Variants in NUP210L observed in about 807,000 individuals in gnomAD.
NUP210L encodes the protein nuclear pore membrane glycoprotein 210-like.
Under a neutral mutation model 208.5 loss-of-function variants are expected in NUP210L, and 74 were observed. The ratio of observed to expected loss-of-function variants is 0.35; its 90% CI spans 0.29 to 0.43. The LOEUF is 0.43. Among genes scored for constraint, NUP210L ranks in the 20% least tolerant of loss-of-function variants. The pLI is 1.00. For synonymous variants in NUP210L, 780 were observed against 816.9 expected (o/e 0.95, Z 0.77); for missense variants, 1,843 against 2,289.4 (o/e 0.81, Z 3.98).
In NUP210L at chr1:154,051,425, A is replaced by G. The variant is rs193214512; in HGVS notation, c.3483+2803T>C. Among the ~76,000 whole-genome samples the G allele has an allele frequency of 1.6e-3, 245 of 152,254 alleles. 1 individual carries two copies. The highest frequency in any genetic ancestry group is 2.6e-3 in the Non-Finnish European group (180 of 68,032). ...GAGATGGGGTTTCACTGTGTTAGCC[A>G]TGATGGTCTCGATCTCCTGACCTCG... On this transcript the variant is annotated intron_variant, in intron 25 of 39. Transcript: ENST00000368559.
chr1:154,125,655 A>G (rs1171327120), intron 10 of NUP210L, among the ~76,000 whole-genome samples: 9 of 1,984 alleles, frequency 4.5e-3, no homozygotes, highest in African/African-American at 9.0e-3. Flanking sequence ...GGAAGGAAGG[A>G]AGGAAGGAAG....
At chr1:154,075,480 GCTAA>G (rs1418665140) in intron 16 of NUP210L, among the ~76,000 whole-genome samples, 1 of 151,952 alleles carries the variant, frequency 6.6e-6, no homozygotes, top group African/African-American at 2.4e-5. Flanking sequence ...TGACCATGAA[GCTAA>G]CTAAGCAGAG....
intron 2 of NUP210L, among the ~76,000 whole-genome samples, chr1:154,147,945 G>A (rs1257622426): frequency 2.9e-5 from 4 of 136,482 alleles, no homozygotes; most frequent in Admixed American, 7.1e-5. Flanking sequence ...GTGAGCCACC[G>A]TGCCTGGCCA....
chr1:154,129,072 AT>A (rs529086709), intron 8 of NUP210L, among the ~76,000 whole-genome samples: 1 of 152,056 alleles, frequency 6.6e-6, no homozygotes, highest in South Asian at 2.1e-4. Context: ...GGATTTTCAT[AT>A]TTTTTTCACA....
chr1:154,004,604 C>A (rs1388791495), intron 35 of NUP210L, among the ~76,000 whole-genome samples: 2 of 151,906 alleles, frequency 1.3e-5, no homozygotes, highest in Non-Finnish European at 2.9e-5. Context: ...GATCTGCCCA[C>A]CTCAGCCTCC....
chr1:154,093,776 C>A (rs1336885197), intron 15 of NUP210L, among the ~76,000 whole-genome samples: 1 of 152,190 alleles, frequency 6.6e-6, no homozygotes, highest in Non-Finnish European at 1.5e-5. Flanking sequence ...AGTAAAACTG[C>A]AAATCTTTGT....
intron 15 of NUP210L, 24 bp from the exon 16 acceptor site, chr1:154,089,618 A>G: frequency 1.9e-6 from 3 of 1,604,810 alleles, no homozygotes; most frequent in Non-Finnish European, 2.6e-6. Flanking sequence ...ACAGAGCAAG[A>G]GATAATTGTG....
chr1:154,008,396 A>C (rs1223916857), intron 35 of NUP210L, among the ~76,000 whole-genome samples: 2 of 151,944 alleles, frequency 1.3e-5, no homozygotes, highest in African/African-American at 4.8e-5. Context: ...ACAAACAAAC[A>C]AACAAGCAAA....
chr1:154,004,448 A>G (rs1650390457), intron 35 of NUP210L, among the ~76,000 whole-genome samples: 2 of 150,340 alleles, frequency 1.3e-5, no homozygotes, highest in South Asian at 4.2e-4. Context: ...GCTCACTTCA[A>G]GCTCTGCCTC....
chr1:154,138,137 T>C, exon 6 of NUP210L: 1 of 1,510,290 alleles, frequency 6.6e-7, no homozygotes, highest in South Asian at 1.4e-5. Flanking sequence ...TTTTTGCAAC[T>C]TGGTATTTAA....
In NUP210L at chr1:153,995,190, G is replaced by A. The variant is rs757399911; in HGVS notation, c.5387-10C>T. The A allele has an allele frequency of 6.3e-7, 1 of 1,585,074 alleles. No homozygotes were observed. The highest frequency in any genetic ancestry group is 8.6e-7 in the Non-Finnish European group (1 of 1,157,388). On this transcript the variant is annotated splice_polypyrimidine_tract_variant and intron_variant, in intron 37 of 39. Transcript: ENST00000368559. ...GAATCTTCACAGTGATCTATACATTGGCCATAACAAAACAAGATAATAGTT... is the reference window on the plus strand; with the variant it reads ...GAATCTTCACAGTGATCTATACATTAGCCATAACAAAACAAGATAATAGTT...
rs12027552 is a variant in NUP210L, at chr1:154,035,522, C to T, written c.3697-5468G>A. 4.9e-4 allele frequency among the ~76,000 whole-genome samples: 74 copies of T among 151,528 alleles called. 1 individual carries two copies. The East Asian group carries it at 0.012, about 24-fold the overall frequency. On this transcript the variant is annotated intron_variant, in intron 27 of 39. Transcript: ENST00000368559. ...AAGCGATTCTCCTGCCTCAGCCTGC[C>T]GAGTGTCTGGGATTACGGGCACTTG...
intron 1 of NUP210L, among the ~76,000 whole-genome samples, chr1:154,153,412 C>T (rs1173819804): frequency 6.6e-6 from 1 of 152,132 alleles, no homozygotes; most frequent in Non-Finnish European, 1.5e-5. Flanking sequence ...AGGGTTCAAG[C>T]GATTCTCCTG....
chr1:154,012,963 G>A (rs1332190451), intron 33 of NUP210L, among the ~76,000 whole-genome samples: 2 of 124,980 alleles, frequency 1.6e-5, no homozygotes, highest in African/African-American at 6.3e-5. Context: ...CCGACATTGC[G>A]CCATTACACT....
At chr1:154,117,455 C>T (rs1026481401) in intron 12 of NUP210L, among the ~76,000 whole-genome samples, 2 of 152,060 alleles carry the variant, frequency 1.3e-5, no homozygotes, top group Non-Finnish European at 2.9e-5. Flanking sequence ...GTAGTGGGCA[C>T]CTGTAATCCC....
chr1:154,045,012 C>CT (rs1376341788), intron 27 of NUP210L, among the ~76,000 whole-genome samples: 1 of 152,080 alleles, frequency 6.6e-6, no homozygotes, highest in African/African-American at 2.4e-5. Flanking sequence ...CTGAGGTCTT[C>CT]TATGGTTCCA....
chr1:153,996,028 C>T, intron 37 of NUP210L: 1 of 369,104 alleles, frequency 2.7e-6, no homozygotes, highest in Non-Finnish European at 5.3e-6. Flanking sequence ...CGTGGTGGCT[C>T]ACACCTGTAA....
At chr1:154,037,252 TG>T (rs1329497659) in intron 27 of NUP210L, among the ~76,000 whole-genome samples, 1 of 152,188 alleles carries the variant, frequency 6.6e-6, no homozygotes, top group Non-Finnish European at 1.5e-5. Flanking sequence ...ATTTTCTGTC[TG>T]GATGACCTGT....
chr1:154,008,914 AT>A (rs35252794), intron 35 of NUP210L, among the ~76,000 whole-genome samples: 89 of 144,686 alleles, frequency 6.2e-4, no homozygotes, highest in East Asian at 6.0e-4. Flanking sequence ...TATACCTTAC[AT>A]TTTTTTTTTT....
Sources: gnomAD v4.1 joint callset for allele counts (sites outside exome capture counted in the v4.1 genomes callset) on GRCh38, gnomAD v4.1.1 for gene constraint, MANE v1.5 for transcripts, NCBI Gene and HGNC (gene_info 2026-07-23, HGNC 2026-07-21) for gene names.